Variants in ARPC2 observed in about 807,000 individuals in gnomAD.
ARPC2 encodes actin-related protein 2/3 complex subunit 2.
In ARPC2, 4 loss-of-function variants were observed where a neutral mutation model predicts 38.6. The observed-to-expected ratio is 0.10, with a 90% CI of 0.05 to 0.24. The LOEUF (loss-of-function observed/expected upper bound fraction) is 0.24, where lower values mean the gene tolerates loss of function less well. ARPC2 is among the 10% of genes least tolerant of loss of function. ARPC2 has a pLI of 1.00. For synonymous variants in ARPC2, 125 were observed against 140.8 expected, an observed-to-expected ratio of 0.89 and a Z score of 0.79; for missense variants, 229 against 387.3, an observed-to-expected ratio of 0.59 and a Z score of 3.43.
chr2:218,240,682 G>C (rs528763674), intron 7 of ARPC2, among the ~76,000 whole-genome samples: 203 of 152,156 alleles, frequency 1.3e-3, no homozygotes, highest in Non-Finnish European at 2.3e-3. Context: ...ACGAGGTCAA[G>C]AGGTCAAGAC....
chr2:218,244,997 T>G (rs1689996904), intron 7 of ARPC2, among the ~76,000 whole-genome samples: 3 of 152,240 alleles, frequency 2.0e-5, no homozygotes, highest in Non-Finnish European at 2.9e-5. Flanking sequence ...CAACTCAGCT[T>G]CTTTCATTCC....
intron 3 of ARPC2, chr2:218,226,957 C>T (rs1689512388): frequency 2.2e-6 from 1 of 455,170 alleles, no homozygotes; most frequent in Non-Finnish European, 4.4e-6. Flanking sequence ...CTTTCTGTTC[C>T]CTATAAAGAA....
At chr2:218,251,988 A>C (rs1017738440) in intron 10 of ARPC2, among the ~76,000 whole-genome samples, 1 of 152,182 alleles carries the variant, frequency 6.6e-6, no homozygotes, top group Admixed American at 6.5e-5. Context: ...TGGGAGGCCG[A>C]GGCAGGCGGA....
At chr2:218,251,545 C>A (rs941736086) in intron 10 of ARPC2, among the ~76,000 whole-genome samples, 5 of 152,102 alleles carry the variant, frequency 3.3e-5, no homozygotes, top group Non-Finnish European at 7.4e-5. Flanking sequence ...GCTCAACCTC[C>A]TGGGCTCAAG....
intron 5 of ARPC2, among the ~76,000 whole-genome samples, chr2:218,237,107 C>T (rs1689791954): frequency 6.6e-6 from 1 of 152,166 alleles, no homozygotes; most frequent in Non-Finnish European, 1.5e-5. Context: ...TATTGATGAC[C>T]TGTCATGTTC....
At chr2:218,239,659 T>A in intron 7 of ARPC2, 175 bp downstream of exon 7, 1 of 561,274 alleles carries the variant, frequency 1.8e-6, no homozygotes, top group South Asian at 2.2e-5. Context: ...AATGGAGTGA[T>A]CTCGGCTCAC....
At chr2:218,251,845 A>G (rs1268039870) in intron 10 of ARPC2, among the ~76,000 whole-genome samples, 1 of 152,176 alleles carries the variant, frequency 6.6e-6, no homozygotes, top group African/African-American at 2.4e-5. Flanking sequence ...TCTTCTACCA[A>G]GTTAGTTTCT....
rs190958733 is a variant in ARPC2 at position 218,244,022 on chromosome 2, G to A, written c.550-1398G>A. Among the ~76,000 whole-genome samples, 296 of 152,266 alleles carry A rather than the reference G, an allele frequency of 1.9e-3. 1 individual carries two copies. Among genetic ancestry groups the A allele is most frequent in the Non-Finnish European group, 1.4e-3 (97 of 68,014 alleles). On this transcript the variant is annotated intron_variant, in intron 7 of 10. Transcript: ENST00000315717. ...TCCTTAATACCGAAAAGTAAAACCA[G>A]TAAAAGTTAAAAAGCTTCTTAACCC...
rs535073380 is a variant in ARPC2 at position 218,218,073 on chromosome 2, G to A, written c.74+529G>A. On this transcript the variant is annotated intron_variant, in intron 2 of 10. Coordinates refer to ENST00000315717, the MANE Select transcript of ARPC2 (RefSeq NM_152862.3). ...GAAGAGAAGACTAAAAGCCGACCCA[G>A]TCTTAGAGCCGGAAAAACGCGATCT... 2.0e-5 allele frequency among the ~76,000 whole-genome samples: 3 copies of A among 152,296 alleles called. No homozygotes were observed. The South Asian group carries it at 6.2e-4, about 32-fold the overall frequency.
intron 3 of ARPC2, among the ~76,000 whole-genome samples, chr2:218,226,626 C>CAAAAAAAAA (rs34789459): frequency 1.6e-5 from 1 of 61,462 alleles, no homozygotes; most frequent in African/African-American, 6.7e-5. Context: ...GACTCCATCT[C>CAAAAAAAAA]AAAAAAAAAA....
At position 218,247,546 on chromosome 2, in the gene ARPC2, C is replaced by T. The variant is rs545185730; in HGVS notation, c.677-1818C>T. On this transcript the variant is annotated intron_variant, in intron 8 of 10. Coordinates refer to ENST00000315717, the MANE Select transcript of ARPC2 (RefSeq NM_152862.3). The stretch of plus-strand genomic sequence containing the variant: ...TGGTGTGATCTCGGCTCACTGCAAC[C>T]TCTGCTTCCCAGGCTCAAACAATTC... Among the ~76,000 whole-genome samples the T allele has an allele frequency of 5.3e-5, 8 of 151,878 alleles. No individual in the cohort carries two copies. In the East Asian group the frequency reaches 1.6e-3, roughly 30 times the overall value.
At chr2:218,236,562 G>A (rs1003762271) in intron 5 of ARPC2, 9 of 152,156 alleles carry the variant, frequency 5.9e-5, no homozygotes, top group African/African-American at 1.9e-4. Flanking sequence ...GGAGGCCAGG[G>A]CGGGCGGATC....
rs573759305 is a variant in ARPC2, at chr2:218,235,215, C to T, written c.268+818C>T. 9 of 233,004 alleles carry T rather than the reference C, an allele frequency of 3.9e-5. No homozygotes were observed. In the East Asian group the frequency reaches 1.2e-3, roughly 31 times the overall value. The allele number at this position is 233,004 out of a possible 1,614,324, so 14.4% of individuals were successfully genotyped here. A position where few individuals can be genotyped will look rare whatever the true frequency, so the allele number is the denominator to read the frequency against. The stretch of plus-strand genomic sequence containing the variant: ...TTTCAGACAGTCTCATTCTGTTGCC[C>T]AGGCTGGAATGCAGTGGTACAGTCA... On this transcript the variant is annotated intron_variant, in intron 5 of 10. Transcript: ENST00000315717.
chr2:218,228,840 G>A lies in ARPC2; in HGVS notation c.212G>A (p.Gly71Asp). 1 of 1,583,976 alleles carries A rather than the reference G, an allele frequency of 6.3e-7. No individual in the cohort carries two copies. Among genetic ancestry groups the A allele is most frequent in the South Asian group, 1.1e-5 (1 of 90,378 alleles). The change falls in exon 4 of 11, where the codon GGT (glycine) becomes GAT (aspartate). Residue 71 changes from glycine to aspartate, a missense_variant. Around this residue, in one of 3 missense-constraint regions of ARPC2, gnomAD observed 135 missense variants for 214.1 expected, o/e 0.63. Transcript: ENST00000315717. ...TTCTACAAGGAACTTCAGGCACATG[G>A]TGCTGATGAGGTAAGATCCACATCA... ...LKFYKELQAH[G>D]ADELLKRVYG...
intron 8 of ARPC2, among the ~76,000 whole-genome samples, chr2:218,247,178 C>G (rs1294897619): frequency 6.6e-6 from 1 of 152,194 alleles, no homozygotes; most frequent in African/African-American, 2.4e-5. Flanking sequence ...TGGGGGTTCT[C>G]TGTCATTTGG....
rs200895017 is a variant in ARPC2 at position 218,240,899 on chromosome 2, AAAAG to A, written c.549+1417_549+1420del. Among the ~76,000 whole-genome samples, 954 of 151,128 alleles carry A rather than the reference AAAAG, an allele frequency of 6.3e-3. 6 individuals carry two copies. The highest frequency in any genetic ancestry group is 0.02 in the African/African-American group (839 of 41,110). ...AAAGAGCGAAACTCCGACTCAAAAAAAAAGAGAGTCCTGAGAGTTAGCAGGGCAT... is the reference window on the plus strand; with the variant it reads ...AAAGAGCGAAACTCCGACTCAAAAAAAGAGTCCTGAGAGTTAGCAGGGCAT... On this transcript the variant is annotated intron_variant, in intron 7 of 10. Transcript: ENST00000315717.
intron 7 of ARPC2, 118 bp downstream of exon 7, chr2:218,239,602 T>C (rs897612479): frequency 2.2e-4 from 179 of 830,426 alleles, no homozygotes; most frequent in Non-Finnish European, 3.1e-4. Context: ...AATTTTTTTT[T>C]TTTTTTTCGA....
At chr2:218,252,781 C>T (rs1342717499) in intron 10 of ARPC2, among the ~76,000 whole-genome samples, 1 of 152,180 alleles carries the variant, frequency 6.6e-6, no homozygotes, top group Non-Finnish European at 1.5e-5. Flanking sequence ...AGCAGGCAGT[C>T]GTGGGAGTCC....
intron 8 of ARPC2, among the ~76,000 whole-genome samples, chr2:218,246,194 G>A (rs1288749452): frequency 4.7e-5 from 7 of 149,724 alleles, no homozygotes; most frequent in Non-Finnish European, 8.9e-5. Flanking sequence ...TCCAGCCTGG[G>A]CAACAGAACA....
Sources: allele counts gnomAD v4.1 joint callset (sites outside exome capture counted in the v4.1 genomes callset), GRCh38; gene constraint gnomAD v4.1.1; regional missense constraint gnomAD v4.1.1; transcripts MANE v1.5; gene names NCBI Gene and HGNC (gene_info 2026-07-23, HGNC 2026-07-21).